Variants in UHRF2 observed in about 807,000 individuals in gnomAD.
The protein encoded by UHRF2 is ubiquitin like with PHD and ring finger domains 2.
Under a neutral mutation model 96.8 loss-of-function variants are expected in UHRF2, and 23 were observed. The observed-to-expected ratio is 0.24, with a 90% CI of 0.17 to 0.34. The LOEUF (loss-of-function observed/expected upper bound fraction) is 0.34, where lower values mean the gene tolerates loss of function less well. Among genes scored for constraint, UHRF2 ranks in the 10% least tolerant of loss-of-function variants. UHRF2 has a pLI of 1.00. For missense variants in UHRF2, 685 were observed against 981.5 expected (o/e 0.70, Z 4.04); for synonymous variants, 385 against 332.6 (o/e 1.16, Z -1.72).
At chr9:6,504,429 TAATA>T (rs1423587024) in intron 14 of UHRF2, 160 bp from the exon 15 acceptor site, 11 of 519,720 alleles carry the variant, frequency 2.1e-5, no homozygotes, top group South Asian at 1.6e-4. Context: ...ATATAACATA[TAATA>T]AATCAGGGTA....
intron 8 of UHRF2, among the ~76,000 whole-genome samples, chr9:6,483,895 G>A (rs1334957247): frequency 3.9e-5 from 6 of 152,010 alleles, no homozygotes; most frequent in Admixed American, 1.3e-4. Flanking sequence ...CTCCATGTTG[G>A]TCAGGCTGGT....
chr9:6,504,574 T>C lies in UHRF2; in HGVS notation c.2164-19T>C. Reference sequence around the variant, plus strand: ...TGAACTGCTAACTTTTCTTTCCTTATCCTTGGATACTGTTCTAGAATTTTC... The same window carrying C: ...TGAACTGCTAACTTTTCTTTCCTTACCCTTGGATACTGTTCTAGAATTTTC... On this transcript the variant is annotated intron_variant, in intron 14 of 15. Coordinates refer to ENST00000276893, the MANE Select transcript of UHRF2 (RefSeq NM_152896.3). 1 of 1,590,050 alleles carries C rather than the reference T, an allele frequency of 6.3e-7. No individual in the cohort carries two copies.
At chr9:6,414,365 G>A (rs1354670920) in intron 1 of UHRF2, among the ~76,000 whole-genome samples, 1 of 152,184 alleles carries the variant, frequency 6.6e-6, no homozygotes, top group Non-Finnish European at 1.5e-5. Flanking sequence ...GAAAAGGAGT[G>A]TAAGACTGTT....
chr9:6,480,716 AT>A (rs1257883466), intron 6 of UHRF2, among the ~76,000 whole-genome samples: 1 of 152,146 alleles, frequency 6.6e-6, no homozygotes, highest in African/African-American at 2.4e-5. Flanking sequence ...AGGACAGTTT[AT>A]TTTTGGAAGC....
intron 4 of UHRF2, 130 bp from the exon 5 acceptor site, chr9:6,475,261 T>C (rs1823498064): frequency 2.1e-6 from 1 of 472,574 alleles, no homozygotes; most frequent in African/African-American, 2.0e-5. Flanking sequence ...TTCAGAATGA[T>C]TGGAATAGCT....
chr9:6,460,411 G>T (rs1411706093), intron 3 of UHRF2, among the ~76,000 whole-genome samples, 162 bp from the exon 4 acceptor site: 1 of 152,138 alleles, frequency 6.6e-6, no homozygotes, highest in African/African-American at 2.4e-5. Flanking sequence ...GTACAGGTGA[G>T]AAACCAACAT....
At chr9:6,483,576 C>T (rs186064355) in intron 8 of UHRF2, among the ~76,000 whole-genome samples, 184 of 152,282 alleles carry the variant, frequency 1.2e-3, no homozygotes, top group African/African-American at 4.1e-3. Flanking sequence ...CTCGACTTGG[C>T]AGATGTGGAA....
chr9:6,461,929 G>C (rs1230106249), intron 4 of UHRF2, among the ~76,000 whole-genome samples: 1 of 150,916 alleles, frequency 6.6e-6, no homozygotes, highest in African/African-American at 2.4e-5. Context: ...CTTTTCTTTA[G>C]AATAAATTGT....
At chr9:6,501,975 GA>G (rs1227189153) in intron 14 of UHRF2, among the ~76,000 whole-genome samples, 2 of 152,220 alleles carry the variant, frequency 1.3e-5, no homozygotes, top group Non-Finnish European at 2.9e-5. Flanking sequence ...CACTGGGACA[GA>G]TTCTGACCTT....
chr9:6,482,305 C>T (rs900227940), intron 8 of UHRF2, among the ~76,000 whole-genome samples: 1 of 152,170 alleles, frequency 6.6e-6, no homozygotes, highest in African/African-American at 2.4e-5. Flanking sequence ...ATTTTCATCA[C>T]TTTGTTTTTA....
In UHRF2 at chr9:6,413,583, G is replaced by T; in HGVS notation, c.93G>T (p.Arg31=). 6 of 1,603,822 alleles carry T rather than the reference G, an allele frequency of 3.7e-6. No homozygotes were observed. The highest frequency in any genetic ancestry group is 1.1e-5 in the South Asian group (1 of 89,796). ...RKATIEELRE[R]VWALFDVRPE... Reference sequence around the variant, plus strand: ...CCACGATTGAGGAGCTGCGCGAGCGGGTGTGGGCGCTGTTCGACGTGCGGC... The same window carrying T: ...CCACGATTGAGGAGCTGCGCGAGCGTGTGTGGGCGCTGTTCGACGTGCGGC... Residue 31 remains arginine, a synonymous_variant, in exon 1 of 16, where the codon CGG becomes CGT. Transcript: ENST00000276893.
At chr9:6,501,770 C>G (rs1273792068) in intron 14 of UHRF2, among the ~76,000 whole-genome samples, 1 of 152,208 alleles carries the variant, frequency 6.6e-6, no homozygotes, top group Non-Finnish European at 1.5e-5. Flanking sequence ...TTAGGTCACA[C>G]TCATTTTCAC....
At chr9:6,424,073 T>G (rs901382096) in intron 2 of UHRF2, among the ~76,000 whole-genome samples, 1 of 152,236 alleles carries the variant, frequency 6.6e-6, no homozygotes, top group Non-Finnish European at 1.5e-5. Flanking sequence ...CAATTCATGC[T>G]TCCTTATTTG....
chr9:6,485,264 A>G (rs1371954728), intron 8 of UHRF2, among the ~76,000 whole-genome samples: 4 of 152,230 alleles, frequency 2.6e-5, no homozygotes, highest in Non-Finnish European at 5.9e-5. Flanking sequence ...TGAATATACT[A>G]CTATAAATAT....
intron 9 of UHRF2, among the ~76,000 whole-genome samples, chr9:6,490,734 G>A (rs955312480): frequency 2.0e-5 from 3 of 152,192 alleles, no homozygotes; most frequent in Admixed American, 1.3e-4. Flanking sequence ...GTGGAGATAA[G>A]TACTGATGAA....
rs373783093 is a variant in UHRF2 at position 6,477,844 on chromosome 9, C to T, written c.1160+36C>T. The T allele has an allele frequency of 5.9e-4, 895 of 1,514,778 alleles. 1 individual carries two copies. The highest frequency in any genetic ancestry group is 3.0e-3 in the Middle Eastern group (17 of 5,630). 93.8% of individuals were successfully genotyped at this position (1,514,778 alleles called of 1,614,324 possible). A position where few individuals can be genotyped will look rare whatever the true frequency, so the allele number is the denominator to read the frequency against. Reference sequence around the variant, plus strand: ...CAGGTTTTTGTTGTTGTTGTTCTTGCTGTGTAAACATGAAATATGTATTTG... The same window carrying T: ...CAGGTTTTTGTTGTTGTTGTTCTTGTTGTGTAAACATGAAATATGTATTTG... On this transcript the variant is annotated intron_variant, in intron 6 of 15. Coordinates refer to ENST00000276893, the MANE Select transcript of UHRF2 (RefSeq NM_152896.3).
At chr9:6,487,484 C>T (rs1400347084) in intron 9 of UHRF2, among the ~76,000 whole-genome samples, 3 of 152,132 alleles carry the variant, frequency 2.0e-5, no homozygotes, top group South Asian at 2.1e-4. Context: ...CTCCTGCCTC[C>T]ACCTCCTGAG....
intron 8 of UHRF2, 63 bp from the exon 9 acceptor site, chr9:6,486,758 C>A: frequency 6.6e-7 from 1 of 1,507,848 alleles, no homozygotes; most frequent in Non-Finnish European, 9.1e-7. Context: ...TATATGAAAG[C>A]ATTTTGTAAA....
intron 12 of UHRF2, chr9:6,499,354 G>A (rs1825143833): frequency 6.9e-6 from 1 of 145,058 alleles, no homozygotes; most frequent in African/African-American, 2.5e-5. Context: ...TAATTTAGTT[G>A]CTTTAGGTCT....
Sources: gnomAD v4.1 joint callset for allele counts (sites outside exome capture counted in the v4.1 genomes callset) on GRCh38, gnomAD v4.1.1 for gene constraint, MANE v1.5 for transcripts, NCBI Gene and HGNC (gene_info 2026-07-23, HGNC 2026-07-21) for gene names.